The following IL1RL2 variants were observed in gnomAD, a reference collection of about 807,000 sequenced individuals.
IL1RL2 encodes interleukin-1 receptor-like 2.
Under a neutral mutation model 66.8 loss-of-function variants are expected in IL1RL2, and 68 were observed. The observed-to-expected ratio is 1.02, with a 90% CI of 0.84 to 1.25. IL1RL2 has a LOEUF of 1.25. Among genes scored for constraint, IL1RL2 ranks in the 50% most tolerant of loss-of-function variants. The pLI, the probability that IL1RL2 is intolerant of heterozygous loss-of-function variation, is 0.00. For missense variants in IL1RL2, 729 were observed against 709.3 expected (o/e 1.03, Z -0.32); for synonymous variants, 305 against 264.6 (o/e 1.15, Z -1.48).
intron 6 of IL1RL2, among the ~76,000 whole-genome samples, chr2:102,212,800 T>G (rs928115888): frequency 6.6e-6 from 1 of 151,584 alleles, no homozygotes; most frequent in Non-Finnish European, 1.5e-5. Flanking sequence ...AAACCTGTCT[T>G]TACTAAAAAA....
intron 9 of IL1RL2, among the ~76,000 whole-genome samples, chr2:102,226,508 C>A (rs33983851): frequency 0.05 from 7,543 of 152,290 alleles, 214 homozygotes; most frequent in Middle Eastern, 0.15. Flanking sequence ...AAGTCTTCAA[C>A]TCTCAGATAT....
chr2:102,190,493 G>C (rs564139559), intron 3 of IL1RL2, among the ~76,000 whole-genome samples: 4 of 152,212 alleles, frequency 2.6e-5, no homozygotes, highest in African/African-American at 9.6e-5. Context: ...TTTTGATTCC[G>C]CGATATTTGC....
chr2:102,190,202 C>T (rs1418580236), intron 3 of IL1RL2, among the ~76,000 whole-genome samples: 1 of 152,192 alleles, frequency 6.6e-6, no homozygotes, highest in Non-Finnish European at 1.5e-5. Context: ...CCCATCTTCT[C>T]ACTTTTCAAG....
intron 11 of IL1RL2, among the ~76,000 whole-genome samples, chr2:102,238,895 T>C (rs992184082): frequency 2.6e-5 from 4 of 152,166 alleles, no homozygotes; most frequent in Non-Finnish European, 5.9e-5. Flanking sequence ...TCCCAGGCTG[T>C]CCCTGGAGAG....
At chr2:102,186,988 G>A (rs759397341), upstream of IL1RL2, 1 of 1,287,558 alleles carries the variant, frequency 7.8e-7, no homozygotes, top group Non-Finnish European at 1.0e-6. Flanking sequence ...CCACGGTGGC[G>A]GGGAAATACC....
chr2:102,242,461 G>T (rs10178214), downstream of IL1RL2, among the ~76,000 whole-genome samples: 36,497 of 152,024 alleles, frequency 0.24, 4,950 homozygotes, highest in African/African-American at 0.37. Context: ...GACCCAGGAA[G>T]GCCAGTGAAA....
chr2:102,217,348 A>G (rs1479446900), intron 6 of IL1RL2, among the ~76,000 whole-genome samples: 1 of 152,214 alleles, frequency 6.6e-6, no homozygotes, highest in Admixed American at 6.5e-5. Context: ...AGCAACTTAC[A>G]GATTCAATGC....
downstream of IL1RL2, among the ~76,000 whole-genome samples, chr2:102,242,531 G>A (rs1361200268): frequency 1.3e-5 from 2 of 152,106 alleles, no homozygotes; most frequent in African/African-American, 4.8e-5. Context: ...TATAAATCCC[G>A]GTCTGAAGGC....
At chr2:102,187,148 G>C in intron 1 of IL1RL2, 62 bp downstream of exon 1, 1 of 1,276,044 alleles carries the variant, frequency 7.8e-7, no homozygotes, top group South Asian at 1.2e-5. Context: ...CAGTAGGAGA[G>C]GTGTGCAGGA....
chr2:102,202,224 G>A (rs998096282), intron 5 of IL1RL2, among the ~76,000 whole-genome samples: 2 of 152,006 alleles, frequency 1.3e-5, no homozygotes, highest in African/African-American at 2.4e-5. Context: ...ACATATGCCT[G>A]GAGGTTTGAA....
intron 9 of IL1RL2, among the ~76,000 whole-genome samples, chr2:102,226,339 G>A (rs909419131): frequency 1.6e-4 from 24 of 152,126 alleles, no homozygotes; most frequent in Admixed American, 3.9e-4. Flanking sequence ...TCCATCCTCC[G>A]TCCACTGCGG....
chr2:102,195,776 C>T (rs1302697484), intron 4 of IL1RL2, among the ~76,000 whole-genome samples: 3 of 147,764 alleles, frequency 2.0e-5, no homozygotes, highest in Non-Finnish European at 4.5e-5. Context: ...GGCAGTGGTG[C>T]GGTCTTGACT....
chr2:102,241,927 A>T (rs1675241571), downstream of IL1RL2, among the ~76,000 whole-genome samples: 1 of 152,256 alleles, frequency 6.6e-6, no homozygotes, highest in South Asian at 2.1e-4. Flanking sequence ...TGTGAATGAA[A>T]TACTATGATG....
At chr2:102,225,343 G>A (rs1230242061) in intron 8 of IL1RL2, among the ~76,000 whole-genome samples, 1 of 152,268 alleles carries the variant, frequency 6.6e-6, no homozygotes, top group African/African-American at 2.4e-5. Flanking sequence ...AGGATGAGGT[G>A]AGAGTTTGGC....
chr2:102,219,871 T>G lies in IL1RL2; in HGVS notation c.855-10T>G, dbSNP rs749859804. 10 of 1,598,030 alleles carry G rather than the reference T, an allele frequency of 6.3e-6. No individual in the cohort carries two copies. The highest frequency in any genetic ancestry group is 2.2e-5 in the South Asian group (2 of 90,654). Reference sequence around the variant, plus strand: ...CTCATGTATTAATGACTTACTCTTTTCTTTTATAGAACCCATGTCTCTTTT... The same window carrying G: ...CTCATGTATTAATGACTTACTCTTTGCTTTTATAGAACCCATGTCTCTTTT... On this transcript the variant is annotated splice_polypyrimidine_tract_variant and intron_variant, in intron 7 of 11. Transcript: ENST00000264257.
At chr2:102,219,201 A>T (rs558042125) in intron 7 of IL1RL2, 119 bp downstream of exon 7, 1 of 1,077,806 alleles carries the variant, frequency 9.3e-7, no homozygotes, top group South Asian at 1.3e-5. Context: ...TCATGTTATC[A>T]ATCCCACCTA....
At position 102,219,220 on chromosome 2, in the gene IL1RL2, T is replaced by C. The variant is rs1689878589; in HGVS notation, c.854+138T>C. ...GTTATCAATCCCACCTATCACATAGTTAGGGAGATATGGTAAAAGACCAGG... is the reference window on the plus strand; with the variant it reads ...GTTATCAATCCCACCTATCACATAGCTAGGGAGATATGGTAAAAGACCAGG... On this transcript the variant is annotated intron_variant, in intron 7 of 11. Coordinates refer to ENST00000264257, the MANE Select transcript of IL1RL2 (RefSeq NM_003854.4). The C allele has an allele frequency of 5.2e-6, 5 of 953,768 alleles. No individual in the cohort carries two copies. The Admixed American group carries it at 6.2e-5, about 12-fold the overall frequency. The allele number at this position is 953,768 out of a possible 1,614,324, so 59.1% of individuals were successfully genotyped here. A position where few individuals can be genotyped will look rare whatever the true frequency, so the allele number is the denominator to read the frequency against.
intron 4 of IL1RL2, among the ~76,000 whole-genome samples, chr2:102,197,604 A>G (rs1290037612): frequency 3.3e-5 from 5 of 152,216 alleles, no homozygotes; most frequent in African/African-American, 7.2e-5. Context: ...ACCTACTGCT[A>G]AGGCTCTGGA....
chr2:102,219,518 T>C (rs1179869698), intron 7 of IL1RL2, among the ~76,000 whole-genome samples: 1 of 152,180 alleles, frequency 6.6e-6, no homozygotes, highest in African/African-American at 2.4e-5. Flanking sequence ...ACTCAAGTTA[T>C]GGTGGTATAA....
Sources: gnomAD v4.1 joint callset for allele counts (sites outside exome capture counted in the v4.1 genomes callset) on GRCh38, gnomAD v4.1.1 for gene constraint, MANE v1.5 for transcripts, NCBI Gene and HGNC (gene_info 2026-07-23, HGNC 2026-07-21) for gene names.